The following FBXO3 variants were observed in gnomAD, a reference collection of about 807,000 sequenced individuals.
The protein encoded by FBXO3 is F-box only protein 3.
FBXO3 carries 17 observed loss-of-function variants against 64.8 expected under a neutral mutation model. That is an observed-to-expected ratio of 0.26 (90% CI 0.18 to 0.39). The LOEUF (loss-of-function observed/expected upper bound fraction) is 0.39. Among genes scored for constraint, FBXO3 ranks in the 10% least tolerant of loss-of-function variants. The pLI is 1.00. For missense variants in FBXO3, 420 were observed against 589.9 expected, an observed-to-expected ratio of 0.71 and a Z score of 2.98; for synonymous variants, 182 against 201.6, an observed-to-expected ratio of 0.90 and a Z score of 0.82.
chr11:33,744,937 T>G (rs901316936), intron 10 of FBXO3: 2 of 152,136 alleles, frequency 1.3e-5, no homozygotes, highest in Non-Finnish European at 2.9e-5. Flanking sequence ...AGACTGAAAG[T>G]TGACAACCAC....
intron 3 of FBXO3, among the ~76,000 whole-genome samples, chr11:33,761,028 T>TG (rs1240615579): frequency 6.6e-6 from 1 of 152,192 alleles, no homozygotes; most frequent in Non-Finnish European, 1.5e-5. Context: ...AGGAGGTGAT[T>TG]GGAGTTAAAG....
rs2133626301 is a variant in FBXO3 at position 33,770,751 on chromosome 11, G to A, written c.184C>T (p.Leu62=). The A allele has an allele frequency of 1.2e-6, 2 of 1,610,596 alleles. No homozygotes were observed. The highest frequency in any genetic ancestry group is 2.2e-5 in the East Asian group (1 of 44,844). ...TCCTCGAATACTCACTCAGATATCA[G>A]CCAGTATTTTTTGCAATGTCTTCTC... is the stretch of plus-strand genomic sequence containing the variant. ...LWRRHCKKYW[L]ISEEEKTQKN... Residue 62 remains leucine (L), a synonymous_variant, in exon 2 of 11, where the codon CTG becomes TTG. Transcript: ENST00000265651.
intron 4 of FBXO3, among the ~76,000 whole-genome samples, chr11:33,756,411 G>T (rs1047139030): frequency 4.6e-5 from 7 of 152,176 alleles, no homozygotes; most frequent in African/African-American, 1.7e-4. Context: ...CTTAAACCTT[G>T]TCCAAAGTTT....
chr11:33,765,208 G>C (rs977968546), intron 3 of FBXO3, among the ~76,000 whole-genome samples: 3 of 152,108 alleles, frequency 2.0e-5, no homozygotes, highest in Non-Finnish European at 2.9e-5. Flanking sequence ...CCCACAGTGG[G>C]ATATATAAGG....
chr11:33,757,408 G>A (rs185948329), intron 4 of FBXO3, among the ~76,000 whole-genome samples: 243 of 148,342 alleles, frequency 1.6e-3, no homozygotes, highest in African/African-American at 5.7e-3. Flanking sequence ...GAGCCTAGGA[G>A]TTCAAGACCA....
chr11:33,761,404 G>C (rs1023394208), intron 3 of FBXO3, among the ~76,000 whole-genome samples: 4 of 152,152 alleles, frequency 2.6e-5, no homozygotes, highest in Non-Finnish European at 5.9e-5. Context: ...AAAATCACAT[G>C]AAATGAGACT....
intron 3 of FBXO3, among the ~76,000 whole-genome samples, chr11:33,759,987 G>A (rs1233362126): frequency 6.6e-6 from 1 of 152,096 alleles, no homozygotes; most frequent in Non-Finnish European, 1.5e-5. Context: ...CAGGTCAGAA[G>A]ACAAAAAGGG....
intron 9 of FBXO3, among the ~76,000 whole-genome samples, chr11:33,747,652 C>T (rs1297804922): frequency 2.0e-5 from 3 of 151,924 alleles, no homozygotes; most frequent in Non-Finnish European, 4.4e-5. Context: ...ACTGGGATTA[C>T]AAGCACCTGC....
At chr11:33,749,074 T>C (rs1394954962) in intron 8 of FBXO3, among the ~76,000 whole-genome samples, 182 bp from the exon 9 acceptor site, 2 of 152,218 alleles carry the variant, frequency 1.3e-5, no homozygotes, top group African/African-American at 4.8e-5. Flanking sequence ...TTCATTAACT[T>C]GATCCCCCTA....
In FBXO3 at chr11:33,755,776, A is replaced by T. The variant is rs1302963140; in HGVS notation, c.673T>A (p.Cys225Ser). ...TAAACACACGTTCTACTTACTGGAC[A>T]TTGGTAGAAAACTTCATTTTTGTTT... ...GRNKNEVFYQCPDQMARNPAA... is the reference protein window; with the variant it reads ...GRNKNEVFYQSPDQMARNPAA... The change falls in exon 5 of 11, where the codon TGT becomes AGT. Residue 225 changes from cysteine to serine, a missense_variant. Around this residue, in one of 3 missense-constraint regions of FBXO3, gnomAD observed 337 missense variants for 518.4 expected, o/e 0.65. Transcript: ENST00000265651. The T allele has an allele frequency of 1.2e-6, 2 of 1,612,102 alleles. No individual in the cohort carries two copies. The highest frequency in any genetic ancestry group is 3.3e-5 in the Admixed American group (2 of 60,026).
At chr11:33,748,458 G>C (rs1425595089) in intron 9 of FBXO3, among the ~76,000 whole-genome samples, 1 of 151,962 alleles carries the variant, frequency 6.6e-6, no homozygotes, top group Non-Finnish European at 1.5e-5. Flanking sequence ...AAAAATTCAT[G>C]CCATTAATTT....
At chr11:33,764,736 G>A (rs1855325249) in intron 3 of FBXO3, among the ~76,000 whole-genome samples, 1 of 152,108 alleles carries the variant, frequency 6.6e-6, no homozygotes, top group African/African-American at 2.4e-5. Flanking sequence ...CACTTTGGGA[G>A]GCCTACACGG....
At chr11:33,769,785 A>C (rs1443263797) in intron 2 of FBXO3, among the ~76,000 whole-genome samples, 1 of 148,202 alleles carries the variant, frequency 6.7e-6, no homozygotes, top group Non-Finnish European at 1.5e-5. Context: ...TGAGTGGATG[A>C]TGCTGCTATG....
At chr11:33,767,822 C>T (rs1350361753) in intron 3 of FBXO3, among the ~76,000 whole-genome samples, 1 of 152,178 alleles carries the variant, frequency 6.6e-6, no homozygotes, top group Non-Finnish European at 1.5e-5. Context: ...TTCGACCCTA[C>T]ATACCAAGTA....
At chr11:33,742,476 G>A (rs1343451185) in intron 10 of FBXO3, 1 of 155,172 alleles carries the variant, frequency 6.4e-6, no homozygotes, top group African/African-American at 2.4e-5. Context: ...GCTCAGTATG[G>A]TTTTAATGGT....
intron 2 of FBXO3, 122 bp downstream of exon 2, chr11:33,770,612 TAGCAGGC>T: frequency 3.1e-6 from 2 of 645,848 alleles, no homozygotes; most frequent in Non-Finnish European, 5.4e-6. Context: ...CAACATTTAC[TAGCAGGC>T]ACGAGAAGAG....
rs1855132079 is a variant in FBXO3, at chr11:33,757,543, G to A, written c.473+944C>T. ...AAAAAAAAAAAAAAAGCTGAGCCAG[G>A]CACAGTGGTATATGCTTGTAGCCCC... On this transcript the variant is annotated intron_variant, in intron 4 of 10. Coordinates refer to ENST00000265651, the MANE Select transcript of FBXO3 (RefSeq NM_012175.4). Among the ~76,000 whole-genome samples, 6 of 140,308 alleles carry A rather than the reference G, an allele frequency of 4.3e-5. No individual in the cohort carries two copies. In the Admixed American group the frequency reaches 4.3e-4, roughly 10 times the overall value. 92.0% of individuals were successfully genotyped at this position (140,308 alleles called of 152,430 possible). A position where few individuals can be genotyped will look rare whatever the true frequency, so the allele number is the denominator to read the frequency against.
At chr11:33,746,531 C>CTA in intron 10 of FBXO3, 1 of 591,054 alleles carries the variant, frequency 1.7e-6, no homozygotes, top group Non-Finnish European at 3.0e-6. Context: ...ACCTACAACT[C>CTA]AATTGCATTC....
At chr11:33,750,733 T>C (rs752386328) in intron 7 of FBXO3, 72 bp from the exon 8 acceptor site, 5 of 1,402,028 alleles carry the variant, frequency 3.6e-6, no homozygotes, top group South Asian at 1.3e-5. Context: ...AAATAGGTTA[T>C]ACTTTAGGAC....
Sources: allele counts gnomAD v4.1 joint callset (sites outside exome capture counted in the v4.1 genomes callset), GRCh38; gene constraint gnomAD v4.1.1; regional missense constraint gnomAD v4.1.1; transcripts MANE v1.5; gene names NCBI Gene and HGNC (gene_info 2026-07-23, HGNC 2026-07-21).